The following FHIT variants were observed in gnomAD, a reference collection of about 807,000 sequenced individuals.
The protein encoded by FHIT is bis(5'-adenosyl)-triphosphatase.
A neutral mutation model predicts 17.9 loss-of-function variants in FHIT; 19 were observed. The ratio of observed to expected loss-of-function variants is 1.06; its 90% CI spans 0.74 to 1.56. The LOEUF (loss-of-function observed/expected upper bound fraction) is 1.56. FHIT is among the 40% of genes most tolerant of loss of function. The pLI is 0.00. For missense variants in FHIT, 248 were observed against 189.2 expected, an observed-to-expected ratio of 1.31 and a Z score of -1.82; for synonymous variants, 81 against 69.7, an observed-to-expected ratio of 1.16 and a Z score of -0.81.
At chr3:61,239,762 C>CATATATATATATATATATAT (rs72107416) in intron 1 of FHIT, among the ~76,000 whole-genome samples, 3,515 of 107,642 alleles carry the variant, frequency 0.033, 208 homozygotes, top group East Asian at 0.099. Flanking sequence ...AACAACTGGC[C>CATATATATATATATATATAT]ATATATATAT....
intron 1 of FHIT, among the ~76,000 whole-genome samples, chr3:61,220,607 C>A (rs1171804907): frequency 6.6e-6 from 1 of 152,146 alleles, no homozygotes; most frequent in Non-Finnish European, 1.5e-5. Context: ...GAAAGTCTTT[C>A]TATTTGACCA....
chr3:60,481,012 T>A (rs948204043), intron 5 of FHIT, among the ~76,000 whole-genome samples: 4 of 151,808 alleles, frequency 2.6e-5, no homozygotes, highest in African/African-American at 9.7e-5. Context: ...CTAGCAGAGG[T>A]TTTCCATGAG....
rs866170115 is a variant in FHIT at position 59,993,024 on chromosome 3, A to G, written c.279+18347T>C. The stretch of plus-strand genomic sequence containing the variant: ...ATAATTTTCTACAAACTAAAAACAA[A>G]CATATCTCATCCTACTAATGGTTCC... On this transcript the variant is annotated intron_variant, in intron 7 of 9. Coordinates refer to ENST00000492590, the MANE Select transcript of FHIT (RefSeq NM_002012.4). 2.2e-4 allele frequency among the ~76,000 whole-genome samples: 33 copies of G among 152,198 alleles called. No homozygotes were observed. The Middle Eastern group carries it at 0.017, about 78-fold the overall frequency.
chr3:60,801,945 C>T (rs782694514), intron 4 of FHIT, among the ~76,000 whole-genome samples: 16 of 152,258 alleles, frequency 1.1e-4, no homozygotes, highest in African/African-American at 2.2e-4. Flanking sequence ...TGAAAGAAAT[C>T]GGCAAAACAG....
rs534212541 is a variant in FHIT, at chr3:59,910,981, CA to C, written c.348+11364del. On this transcript the variant is annotated intron_variant, in intron 8 of 9. Transcript: ENST00000492590. ...TCCAAACCACAGAAAATAATAAAAA[CA>C]GGCAAGACTAGAATCTAACAACAGG... is the stretch of plus-strand genomic sequence containing the variant. Among the ~76,000 whole-genome samples the C allele has an allele frequency of 1.2e-3, 183 of 152,180 alleles. 1 individual carries two copies. The highest frequency in any genetic ancestry group is 4.1e-3 in the African/African-American group (172 of 41,532).
At chr3:60,646,319 A>C (rs1275373478) in intron 4 of FHIT, among the ~76,000 whole-genome samples, 2 of 152,180 alleles carry the variant, frequency 1.3e-5, no homozygotes, top group Non-Finnish European at 2.9e-5. Context: ...TTTAATATCA[A>C]GTGAGCAAAA....
chr3:60,145,624 T>C (rs1387964429), intron 5 of FHIT, among the ~76,000 whole-genome samples: 3 of 152,162 alleles, frequency 2.0e-5, no homozygotes, highest in East Asian at 1.9e-4. Flanking sequence ...AGGATTCACA[T>C]GTGCAAAGTA....
chr3:60,956,265 T>C (rs1212255506), intron 3 of FHIT, among the ~76,000 whole-genome samples: 1 of 152,096 alleles, frequency 6.6e-6, no homozygotes, highest in Non-Finnish European at 1.5e-5. Flanking sequence ...CAACCTGAAG[T>C]GTTCAAGTAA....
At chr3:61,151,580 T>C (rs796394339) in intron 2 of FHIT, among the ~76,000 whole-genome samples, 11 of 91,180 alleles carry the variant, frequency 1.2e-4, no homozygotes, top group Admixed American at 2.5e-4. Context: ...CTTTTCTTTT[T>C]TTTTTTTTTT....
intron 3 of FHIT, among the ~76,000 whole-genome samples, chr3:60,945,642 C>T (rs571688378): frequency 6.6e-6 from 1 of 152,154 alleles, no homozygotes; most frequent in Non-Finnish European, 1.5e-5. Flanking sequence ...GATCCACCCG[C>T]CTCAGCCTCC....
chr3:60,771,995 C>A (rs527616843), intron 4 of FHIT, among the ~76,000 whole-genome samples: 1 of 152,276 alleles, frequency 6.6e-6, no homozygotes, highest in East Asian at 1.9e-4. Context: ...CAGATTAGCA[C>A]TGGCACTGCT....
intron 5 of FHIT, among the ~76,000 whole-genome samples, chr3:60,393,140 C>A (rs1232491050): frequency 1.3e-5 from 2 of 152,040 alleles, no homozygotes; most frequent in African/African-American, 2.4e-5. Flanking sequence ...CTGTAAAGGG[C>A]ACTCATTTTT....
intron 7 of FHIT, among the ~76,000 whole-genome samples, chr3:59,927,938 T>C (rs958417654): frequency 6.6e-6 from 1 of 152,254 alleles, no homozygotes; most frequent in Non-Finnish European, 1.5e-5. Flanking sequence ...CTTCTGCCCA[T>C]ACTCACCTGA....
chr3:59,878,402 G>C (rs1473811478), intron 8 of FHIT, among the ~76,000 whole-genome samples: 1 of 152,240 alleles, frequency 6.6e-6, no homozygotes. Flanking sequence ...AGTCTTACCT[G>C]AGTTTCAATA....
At chr3:60,999,248 G>A (rs2030893571) in intron 3 of FHIT, among the ~76,000 whole-genome samples, 2 of 152,114 alleles carry the variant, frequency 1.3e-5, no homozygotes, top group South Asian at 2.1e-4. Context: ...AATATTAACA[G>A]CAACTGCAGA....
intron 2 of FHIT, among the ~76,000 whole-genome samples, chr3:61,150,520 G>A (rs2037356623): frequency 6.6e-6 from 1 of 152,054 alleles, no homozygotes; most frequent in East Asian, 1.9e-4. Flanking sequence ...ATGTTCTTAT[G>A]TAGGACAGGC....
chr3:60,458,198 G>A (rs1308627958), intron 5 of FHIT, among the ~76,000 whole-genome samples: 1 of 152,046 alleles, frequency 6.6e-6, no homozygotes, highest in South Asian at 2.1e-4. Flanking sequence ...GTCCATCAAT[G>A]ATAGACTGGA....
chr3:60,107,310 T>C (rs1159518199), intron 5 of FHIT, among the ~76,000 whole-genome samples: 1 of 152,116 alleles, frequency 6.6e-6, no homozygotes, highest in African/African-American at 2.4e-5. Context: ...ATGAGCAATC[T>C]AGGGGAAACA....
intron 5 of FHIT, among the ~76,000 whole-genome samples, chr3:60,305,529 T>G (rs529941920): frequency 1.3e-5 from 2 of 152,280 alleles, no homozygotes; most frequent in South Asian, 2.1e-4. Flanking sequence ...ACCCAAACAC[T>G]GTGCATCTCC....
Sources: allele counts gnomAD v4.1 joint callset (sites outside exome capture counted in the v4.1 genomes callset), GRCh38; gene constraint gnomAD v4.1.1; transcripts MANE v1.5; gene names NCBI Gene and HGNC (gene_info 2026-07-23, HGNC 2026-07-21).